Variants in FAM110B observed in about 807,000 individuals in gnomAD.
FAM110B encodes family with sequence similarity 110 member B.
Under a neutral mutation model 20.4 loss-of-function variants are expected in FAM110B, and 6 were observed. The ratio of observed to expected loss-of-function variants is 0.29; its 90% CI spans 0.16 to 0.58. The LOEUF is 0.58. Among genes scored for constraint, FAM110B ranks in the 20% least tolerant of loss-of-function variants. The probability of loss-of-function intolerance (pLI) is 0.90; values close to 1 mark genes in which losing one functional copy is unlikely to be tolerated. For synonymous variants in FAM110B, 226 were observed against 214.1 expected (o/e 1.06, Z -0.49); for missense variants, 434 against 498.2 (o/e 0.87, Z 1.23).
At chr8:58,098,405 G>A (rs942938679) in intron 3 of FAM110B, among the ~76,000 whole-genome samples, 4 of 152,200 alleles carry the variant, frequency 2.6e-5, no homozygotes, top group South Asian at 4.1e-4. Flanking sequence ...AACCAAGCTC[G>A]AGTGTCCCGG....
chr8:58,143,361 T>C (rs542421541), intron 3 of FAM110B, among the ~76,000 whole-genome samples: 28 of 152,088 alleles, frequency 1.8e-4, no homozygotes, highest in Admixed American at 1.3e-4. Flanking sequence ...ACTCTAACCA[T>C]GGTCATGTCA....
intron 3 of FAM110B, among the ~76,000 whole-genome samples, chr8:58,094,861 A>G (rs764382636): frequency 6.6e-6 from 1 of 152,036 alleles, no homozygotes; most frequent in Non-Finnish European, 1.5e-5. Flanking sequence ...AGAATTCGCT[A>G]TGAATTCATC....
intron 1 of FAM110B, among the ~76,000 whole-genome samples, chr8:57,998,217 A>T (rs11774328): frequency 6.6e-6 from 1 of 152,032 alleles, no homozygotes; most frequent in African/African-American, 2.4e-5. Context: ...GTTAAAGATC[A>T]CTTGTTTTAG....
chr8:58,073,334 G>T (rs954294115), intron 2 of FAM110B, among the ~76,000 whole-genome samples: 1 of 152,152 alleles, frequency 6.6e-6, no homozygotes, highest in African/African-American at 2.4e-5. Flanking sequence ...TAGAAAGGGG[G>T]TGAGGAGTGC....
intron 1 of FAM110B, among the ~76,000 whole-genome samples, chr8:58,023,184 A>ATTT (rs1169974367): frequency 6.6e-6 from 1 of 152,034 alleles, no homozygotes; most frequent in African/African-American, 2.4e-5. Flanking sequence ...TTTTATTTTT[A>ATTT]TTTTTATTTT....
At chr8:58,002,915 A>G (rs1804328092) in intron 1 of FAM110B, among the ~76,000 whole-genome samples, 2 of 152,326 alleles carry the variant, frequency 1.3e-5, no homozygotes, top group South Asian at 2.1e-4. Context: ...GTTTCTTAAA[A>G]TAAGACAGTA....
In FAM110B at chr8:58,146,508, T is replaced by C; in HGVS notation, c.278T>C (p.Leu93Pro). ...GTGTGCCCGGCTGCCAAGCGCGCACTGGGCAGCCCCACGCTCAAAGTGTTC... is the reference window on the plus strand; with the variant it reads ...GTGTGCCCGGCTGCCAAGCGCGCACCGGGCAGCCCCACGCTCAAAGTGTTC... ...PPVCPAAKRA[L>P]GSPTLKVFGN... The change falls in exon 4 of 4, where the codon CTG becomes CCG. Residue 93 changes from leucine (L) to proline (P), a missense_variant. Physicochemically the swap from Leu to Pro is moderately conservative, Grantham distance 98 (BLOSUM62 -3). Around this residue, in one of 3 missense-constraint regions of FAM110B, gnomAD observed 284 missense variants for 278.3 expected, o/e 1.02. Transcript: ENST00000519262. 1 of 1,613,836 alleles carries C rather than the reference T, an allele frequency of 6.2e-7. No homozygotes were observed. Among genetic ancestry groups the C allele is most frequent in the South Asian group, 1.1e-5 (1 of 91,072 alleles).
At chr8:58,144,802 A>G (rs1161275455) in intron 3 of FAM110B, among the ~76,000 whole-genome samples, 3 of 152,190 alleles carry the variant, frequency 2.0e-5, no homozygotes, top group Non-Finnish European at 2.9e-5. Context: ...GTAACAGGCT[A>G]TGGGAGGAAT....
At chr8:58,128,908 A>T (rs888952354) in intron 3 of FAM110B, among the ~76,000 whole-genome samples, 8 of 152,196 alleles carry the variant, frequency 5.3e-5, no homozygotes, top group Non-Finnish European at 7.3e-5. Flanking sequence ...AGCCTGCTAA[A>T]AGGAATCATT....
chr8:58,036,754 GT>G (rs924110443), intron 2 of FAM110B, among the ~76,000 whole-genome samples: 3 of 152,164 alleles, frequency 2.0e-5, no homozygotes, highest in African/African-American at 7.2e-5. Flanking sequence ...CTGTAATTGA[GT>G]TTGCTTCCTT....
chr8:58,090,983 A>G (rs527707403), intron 3 of FAM110B, among the ~76,000 whole-genome samples: 1 of 152,318 alleles, frequency 6.6e-6, no homozygotes, highest in Non-Finnish European at 1.5e-5. Context: ...TTAAGCATTT[A>G]CTTGGATTTC....
At chr8:58,097,124 C>G (rs552509543) in intron 3 of FAM110B, among the ~76,000 whole-genome samples, 33 of 152,112 alleles carry the variant, frequency 2.2e-4, no homozygotes, top group Admixed American at 5.2e-4. Context: ...CTGCATAATA[C>G]CCCTAAGAGT....
intron 3 of FAM110B, among the ~76,000 whole-genome samples, chr8:58,092,410 G>A (rs968404879): frequency 2.6e-5 from 4 of 151,874 alleles, no homozygotes; most frequent in Admixed American, 1.3e-4. Flanking sequence ...CCTACCCCCC[G>A]ACAGGCCATG....
chr8:58,127,612 C>T (rs1466061471), intron 3 of FAM110B, among the ~76,000 whole-genome samples: 1 of 152,062 alleles, frequency 6.6e-6, no homozygotes, highest in African/African-American at 2.4e-5. Context: ...TCAGCAAGTT[C>T]GCAGAATATA....
chr8:58,007,688 C>G (rs533560585), intron 1 of FAM110B, among the ~76,000 whole-genome samples: 1 of 152,166 alleles, frequency 6.6e-6, no homozygotes, highest in African/African-American at 2.4e-5. Context: ...GAGAAGGTGC[C>G]ACCTGGGAAC....
chr8:58,120,661 T>A (rs1312359003), intron 3 of FAM110B, among the ~76,000 whole-genome samples: 2 of 152,170 alleles, frequency 1.3e-5, no homozygotes, highest in Admixed American at 1.3e-4. Context: ...GCTCCGAGGG[T>A]GGGACTGTCA....
rs558795920 is a variant in FAM110B at position 58,098,772 on chromosome 8, C to G, written c.-325+23149C>G. Among the ~76,000 whole-genome samples, 221 of 152,188 alleles carry G rather than the reference C, an allele frequency of 1.5e-3. 1 individual carries two copies. Among genetic ancestry groups the G allele is most frequent in the Non-Finnish European group, 2.6e-3 (174 of 67,998 alleles). On this transcript the variant is annotated intron_variant, in intron 3 of 3. Coordinates refer to ENST00000519262, the MANE Select transcript of FAM110B (RefSeq NM_001377989.1). ...CATAGCCCCTCACAGCTTCCCTTGGCTAGGGGAGGGAGTTCCCTGGCTCCT... is the reference window on the plus strand; with the variant it reads ...CATAGCCCCTCACAGCTTCCCTTGGGTAGGGGAGGGAGTTCCCTGGCTCCT...
chr8:58,117,067 G>A (rs902739071), intron 3 of FAM110B, among the ~76,000 whole-genome samples: 1 of 152,188 alleles, frequency 6.6e-6, no homozygotes, highest in African/African-American at 2.4e-5. Context: ...AGCCTCTATT[G>A]TGGCAGGTTT....
chr8:58,136,003 C>CTT (rs5891669), intron 3 of FAM110B, among the ~76,000 whole-genome samples: 1 of 71,492 alleles, frequency 1.4e-5, no homozygotes, highest in African/African-American at 6.5e-5. Flanking sequence ...CCAGCAAGTC[C>CTT]TTTTTTTTTT....
Sources: gnomAD v4.1 joint callset for allele counts (sites outside exome capture counted in the v4.1 genomes callset) on GRCh38, gnomAD v4.1.1 for gene constraint, gnomAD v4.1.1 regional missense constraint, MANE v1.5 for transcripts, NCBI Gene and HGNC (gene_info 2026-07-23, HGNC 2026-07-21) for gene names.